SMIM17: variants seen among roughly 807,000 people sequenced by gnomAD.
SMIM17 encodes the protein small integral membrane protein 17.
A neutral mutation model predicts 12.2 loss-of-function variants in SMIM17; 10 were observed. That is an observed-to-expected ratio of 0.82 (90% confidence interval 0.50 to 1.39). The LOEUF (loss-of-function observed/expected upper bound fraction) is 1.39. Ranked by LOEUF, SMIM17 falls within the 40% of genes most tolerant of loss-of-function variation. SMIM17 has a pLI of 0.00. For missense variants in SMIM17, 136 were observed against 118.2 expected, an observed-to-expected ratio of 1.15 and a Z score of -0.70; for synonymous variants, 50 against 44.1, an observed-to-expected ratio of 1.13 and a Z score of -0.53.
At position 56,655,403 on chromosome 19, in the gene SMIM17, G is replaced by T; in HGVS notation, c.*190G>T. 1 of 478,396 alleles carries T rather than the reference G, an allele frequency of 2.1e-6. No individual in the cohort carries two copies. Among genetic ancestry groups the T allele is most frequent in the Non-Finnish European group, 3.7e-6 (1 of 271,022 alleles). The allele number at this position is 478,396 out of a possible 1,614,324, so 29.6% of individuals were successfully genotyped here. A position where few individuals can be genotyped will look rare whatever the true frequency, so the allele number is the denominator to read the frequency against. On this transcript the variant is annotated 3_prime_UTR_variant, in exon 4 of 4. Coordinates refer to ENST00000598409, the MANE Select transcript of SMIM17 (RefSeq NM_001193628.2). ...TTCACATACTTTATTTCCATGAAAT[G>T]AAGACATCATTGATTGTAAAACATT...
chr19:56,654,313 A>G (rs948331462), intron 3 of SMIM17, among the ~76,000 whole-genome samples: 2 of 152,212 alleles, frequency 1.3e-5, no homozygotes, highest in African/African-American at 4.8e-5. Flanking sequence ...ACTCGTAACT[A>G]CAAAGGCTTG....
chr19:56,648,406 C>T (rs934521329), intron 3 of SMIM17, among the ~76,000 whole-genome samples: 1 of 151,924 alleles, frequency 6.6e-6, no homozygotes, highest in Non-Finnish European at 1.5e-5. Flanking sequence ...TCCATCCATC[C>T]ATCCACCCAT....
At position 56,644,063 on chromosome 19, in the gene SMIM17, T is replaced by C. The variant is rs12611006; in HGVS notation, c.-101+853T>C. On this transcript the variant is annotated intron_variant, in intron 1 of 3. Coordinates refer to ENST00000598409, the MANE Select transcript of SMIM17 (RefSeq NM_001193628.2). ...TCCCCTTTCCTTCTTCCTCCTCCAT[T>C]CACTGCGGATCCAGCTTCTCCTGAC... Among the ~76,000 whole-genome samples, 268 of 152,098 alleles carry C rather than the reference T, an allele frequency of 1.8e-3. 6 individuals carry two copies. The East Asian group carries it at 0.042, about 24-fold the overall frequency.
chr19:56,647,861 C>T (rs1316790834), intron 3 of SMIM17, among the ~76,000 whole-genome samples: 1 of 152,064 alleles, frequency 6.6e-6, no homozygotes, highest in Non-Finnish European at 1.5e-5. Context: ...AATCCATCTA[C>T]CCATGCATCC....
Position 56,647,420 on chromosome 19 carries a change from T to TGAGAGAGAGAGA in SMIM17, c.170-118_170-107dup, listed in dbSNP as rs72370552. On this transcript the variant is annotated intron_variant, in intron 2 of 3. Coordinates refer to ENST00000598409, the MANE Select transcript of SMIM17 (RefSeq NM_001193628.2). ...GAGAGAGAGAGAGAGAGAAGGAGGG[T>TGAGAGAGAGAGA]GAGAGAGAGAGAGAGAGAGAGAGAG... 3.5e-4 allele frequency: 193 copies of TGAGAGAGAGAGA among 548,522 alleles called. 2 individuals are homozygous for TGAGAGAGAGAGA. In the African/African-American group the frequency reaches 3.7e-3, roughly 11 times the overall value. The allele number at this position is 548,522 out of a possible 1,614,324, so 34.0% of individuals were successfully genotyped here.
intron 3 of SMIM17, among the ~76,000 whole-genome samples, chr19:56,648,904 C>G (rs1444850892): frequency 1.3e-5 from 2 of 152,180 alleles, no homozygotes; most frequent in Non-Finnish European, 2.9e-5. Flanking sequence ...TCTCAGTGAG[C>G]ACATGAGAGT....
At chr19:56,648,377 C>T (rs2870093) in intron 3 of SMIM17, among the ~76,000 whole-genome samples, 39 of 60,602 alleles carry the variant, frequency 6.4e-4, no homozygotes, top group East Asian at 2.7e-3. Flanking sequence ...TATACCCATT[C>T]CATCCATCCA....
intron 3 of SMIM17, among the ~76,000 whole-genome samples, chr19:56,649,821 T>A (rs1169288929): frequency 6.6e-6 from 1 of 151,766 alleles, no homozygotes; most frequent in Non-Finnish European, 1.5e-5. Context: ...TGGGCCATGG[T>A]GAAATGTGAG....
intron 3 of SMIM17, among the ~76,000 whole-genome samples, chr19:56,648,090 CAT>C (rs2045079219): frequency 6.7e-6 from 1 of 150,332 alleles, no homozygotes; most frequent in African/African-American, 2.5e-5. Context: ...TCCATCCATC[CAT>C]CCATCCATCC....
At chr19:56,643,593 G>C (rs2045040508) in intron 1 of SMIM17, among the ~76,000 whole-genome samples, 1 of 152,178 alleles carries the variant, frequency 6.6e-6, no homozygotes, top group South Asian at 2.1e-4. Context: ...TCCCCCTGGG[G>C]TGTTCAGCGC....
intron 3 of SMIM17, among the ~76,000 whole-genome samples, chr19:56,649,198 T>A (rs1053152145): frequency 1.3e-5 from 2 of 152,106 alleles, no homozygotes; most frequent in African/African-American, 4.8e-5. Flanking sequence ...GGGAACAACA[T>A]GTGCACAGGC....
intron 3 of SMIM17, among the ~76,000 whole-genome samples, chr19:56,652,937 G>A (rs1018561761): frequency 6.6e-5 from 10 of 152,142 alleles, no homozygotes; most frequent in African/African-American, 2.4e-4. Flanking sequence ...AGAGAAATTA[G>A]GTGAGGCATC....
At chr19:56,643,792 G>A (rs998857635) in intron 1 of SMIM17, among the ~76,000 whole-genome samples, 1 of 152,228 alleles carries the variant, frequency 6.6e-6, no homozygotes, top group Non-Finnish European at 1.5e-5. Flanking sequence ...AATAGTATCT[G>A]TAGCGAGAAG....
chr19:56,651,240 GA>G (rs1202110492), intron 3 of SMIM17, among the ~76,000 whole-genome samples: 3 of 152,154 alleles, frequency 2.0e-5, no homozygotes, highest in Non-Finnish European at 4.4e-5. Context: ...AAGGCACAGA[GA>G]GGTTATGTGA....
At position 56,655,815 on chromosome 19, in the gene SMIM17, T is replaced by A. The variant is rs2045145908; in HGVS notation, c.*602T>A. 1 of 152,372 alleles carries A rather than the reference T, an allele frequency of 6.6e-6. No individual in the cohort carries two copies. The highest frequency in any genetic ancestry group is 1.5e-5 in the Non-Finnish European group (1 of 68,160). 9.4% of individuals were successfully genotyped at this position (152,372 alleles called of 1,614,324 possible). A position where few individuals can be genotyped will look rare whatever the true frequency, so the allele number is the denominator to read the frequency against. On this transcript the variant is annotated 3_prime_UTR_variant, in exon 4 of 4. Coordinates refer to ENST00000598409, the MANE Select transcript of SMIM17 (RefSeq NM_001193628.2). ...TCCCTTGACACCTTACATGAATTCA[T>A]TGTTATAACCAGGTCATAGAGTCAT...
At chr19:56,649,628 A>T (rs1369205561) in intron 3 of SMIM17, among the ~76,000 whole-genome samples, 1 of 152,130 alleles carries the variant, frequency 6.6e-6, no homozygotes, top group Non-Finnish European at 1.5e-5. Flanking sequence ...TGAGACTGGC[A>T]GATGTCTAGG....
At chr19:56,645,900 G>GA in intron 2 of SMIM17, 64 bp downstream of exon 2, 3 of 1,448,482 alleles carry the variant, frequency 2.1e-6, no homozygotes, top group Non-Finnish European at 2.7e-6. Context: ...AGAGCCTAGG[G>GA]AAAGACTAAA....
At chr19:56,649,336 C>G (rs2045091743) in intron 3 of SMIM17, among the ~76,000 whole-genome samples, 1 of 152,138 alleles carries the variant, frequency 6.6e-6, no homozygotes, top group Non-Finnish European at 1.5e-5. Flanking sequence ...AGCACCTGCT[C>G]AGTGCCAAGC....
chr19:56,645,915 C>T, intron 2 of SMIM17, 79 bp downstream of exon 2: 1 of 1,357,514 alleles, frequency 7.4e-7, no homozygotes, highest in Non-Finnish European at 9.7e-7. Flanking sequence ...ACTAAACATT[C>T]ACTCCTTCAC....
Sources: gnomAD v4.1 joint callset for allele counts (sites outside exome capture counted in the v4.1 genomes callset) on GRCh38, gnomAD v4.1.1 for gene constraint, MANE v1.5 for transcripts, NCBI Gene and HGNC (gene_info 2026-07-23, HGNC 2026-07-21) for gene names.